IL20RB: variants seen among roughly 807,000 people sequenced by gnomAD.
The protein encoded by IL20RB is interleukin-20 receptor subunit beta.
In IL20RB, 21 loss-of-function variants were observed where a neutral mutation model predicts 33.3. The ratio of observed to expected loss-of-function variants is 0.63; its 90% CI spans 0.45 to 0.91. IL20RB has a LOEUF of 0.91. Ranked by LOEUF, IL20RB falls within the 40% of genes least tolerant of loss-of-function variation. IL20RB has a pLI of 0.00. For missense variants in IL20RB, 345 were observed against 384.8 expected, an observed-to-expected ratio of 0.90 and a Z score of 0.86; for synonymous variants, 147 against 146.8, an observed-to-expected ratio of 1.00 and a Z score of -0.01.
At chr3:136,962,999 G>C (rs1416514874) in intron 1 of IL20RB, among the ~76,000 whole-genome samples, 1 of 152,006 alleles carries the variant, frequency 6.6e-6, no homozygotes, top group Non-Finnish European at 1.5e-5. Flanking sequence ...TGTACATATG[G>C]AGGGCTGAGT....
At chr3:137,009,394 G>A (rs1053607873) in intron 6 of IL20RB, among the ~76,000 whole-genome samples, 2 of 152,102 alleles carry the variant, frequency 1.3e-5, no homozygotes, top group Admixed American at 6.5e-5. Flanking sequence ...AGAAGATGGC[G>A]GGAACCTGAA....
chr3:136,960,209 G>A (rs1457078041), intron 1 of IL20RB, among the ~76,000 whole-genome samples: 2 of 128,370 alleles, frequency 1.6e-5, no homozygotes, highest in East Asian at 2.5e-4. Flanking sequence ...GTGCAGTGGC[G>A]CAATCTTGGC....
intron 1 of IL20RB, 35 bp downstream of exon 1, chr3:136,958,236 G>A: frequency 7.3e-7 from 1 of 1,375,620 alleles, no homozygotes; most frequent in Non-Finnish European, 1.0e-6. Context: ...AATAGTTTGG[G>A]CCTTGAATAT....
chr3:136,959,305 A>G (rs1941131718), intron 1 of IL20RB: 2 of 152,160 alleles, frequency 1.3e-5, no homozygotes, highest in Non-Finnish European at 2.9e-5. Flanking sequence ...ATAATTTCCC[A>G]CCAGAAGCAG....
In IL20RB at chr3:136,958,048, G is replaced by T; in HGVS notation, c.-66G>T. On this transcript the variant is annotated 5_prime_UTR_variant, in exon 1 of 7. Transcript: ENST00000329582. ...AACATATGCATTCTGAAGAAAGATG[G>T]CTGAGATGGACAGAATGCTTTATTT... 2.1e-6 allele frequency: 2 copies of T among 965,810 alleles called. No individual in the cohort carries two copies. Among genetic ancestry groups the T allele is most frequent in the Admixed American group, 1.8e-5 (1 of 55,404 alleles). 59.8% of individuals were successfully genotyped at this position (965,810 alleles called of 1,614,324 possible). A position where few individuals can be genotyped will look rare whatever the true frequency, so the allele number is the denominator to read the frequency against.
At chr3:136,970,611 T>TTCCCTTCCTTCC (rs1941450571) in intron 1 of IL20RB, among the ~76,000 whole-genome samples, 1 of 142,032 alleles carries the variant, frequency 7.0e-6, no homozygotes, top group Non-Finnish European at 1.5e-5. Context: ...GTTATTCTAG[T>TTCCCTTCCTTCC]TTCCTTCCTT....
In IL20RB at chr3:136,992,031, G is replaced by A. The variant is rs1440568807; in HGVS notation, c.625G>A (p.Val209Met). 23 of 1,614,202 alleles carry A rather than the reference G, an allele frequency of 1.4e-5. No homozygotes were observed. Among genetic ancestry groups the A allele is most frequent in the East Asian group, 4.5e-5 (2 of 44,880 alleles). ...AAYCVKAQTF[V>M]KAIGRYSAFS... ...ATACTGTGTGAAGGCCCAGACATTCGTGAAGGCCATTGGGAGGTACAGCGC... is the reference window on the plus strand; with the variant it reads ...ATACTGTGTGAAGGCCCAGACATTCATGAAGGCCATTGGGAGGTACAGCGC... The change falls in exon 5 of 7, where the codon GTG (valine) becomes ATG (methionine). Residue 209 changes from valine to methionine, a missense_variant. Physicochemically the swap from Val to Met is conservative, Grantham distance 21 (BLOSUM62 1). Transcript: ENST00000329582.
At chr3:136,994,370 A>G (rs1942087343) in intron 5 of IL20RB, among the ~76,000 whole-genome samples, 1 of 152,216 alleles carries the variant, frequency 6.6e-6, no homozygotes, top group South Asian at 2.1e-4. Context: ...TGCCTGTATC[A>G]AAACATCTCA....
chr3:136,980,611 T>C lies in IL20RB; in HGVS notation c.215+19T>C, dbSNP rs748957546. ...ACCAGGGGTGAGTTTTTTCTTTTAA[T>C]AGTTCTTCTCCCTTAAGCAGAAGTT... On this transcript the variant is annotated intron_variant, in intron 2 of 6. Transcript: ENST00000329582. The C allele has an allele frequency of 1.9e-6, 3 of 1,613,938 alleles. No homozygotes were observed. The highest frequency in any genetic ancestry group is 2.2e-5 in the South Asian group (2 of 91,074).
intron 1 of IL20RB, among the ~76,000 whole-genome samples, chr3:136,970,611 T>C (rs886675764): frequency 7.0e-6 from 1 of 142,032 alleles, no homozygotes; most frequent in Non-Finnish European, 1.5e-5. Flanking sequence ...GTTATTCTAG[T>C]TTCCTTCCTT....
chr3:136,961,737 GTT>G (rs1941221628), intron 1 of IL20RB, among the ~76,000 whole-genome samples: 3 of 152,152 alleles, frequency 2.0e-5, no homozygotes, highest in Admixed American at 1.3e-4. Context: ...TGGCTTTTTA[GTT>G]TTGACAAATG....
chr3:137,010,864 C>T lies in IL20RB; in HGVS notation c.*641C>T, dbSNP rs1560080729. ...GTGACCTGGAGGAAGGTCACAGCCA[C>T]ACTGAAAATGGGATGTGCATGAACA... On this transcript the variant is annotated 3_prime_UTR_variant, in exon 7 of 7. Transcript: ENST00000329582. 2.0e-5 allele frequency: 3 copies of T among 152,374 alleles called. No individual in the cohort carries two copies. The highest frequency in any genetic ancestry group is 2.0e-4 in the Admixed American group (3 of 15,298). 9.4% of individuals were successfully genotyped at this position (152,374 alleles called of 1,614,324 possible).
intron 1 of IL20RB, among the ~76,000 whole-genome samples, chr3:136,980,008 G>A (rs554739203): frequency 6.6e-6 from 1 of 152,126 alleles, no homozygotes; most frequent in Admixed American, 6.5e-5. Flanking sequence ...TAACAGAAGA[G>A]TCATAAATAA....
rs1414007497 is a variant in IL20RB, at chr3:136,958,193, T to G, written c.80T>G (p.Leu27Trp). The change falls in exon 1 of 7, where the codon TTG becomes TGG. Residue 27 changes from leucine to tryptophan, a missense_variant. Physicochemically the swap from Leu to Trp is moderately conservative, Grantham distance 61. Coordinates refer to ENST00000329582, the MANE Select transcript of IL20RB (RefSeq NM_144717.4). ...TTTTTCTACGCATTGATTCCATGTTTGCTCACAGGTAAGTATGAATTAGAA... is the reference window on the plus strand; with the variant it reads ...TTTTTCTACGCATTGATTCCATGTTGGCTCACAGGTAAGTATGAATTAGAA... The part of the protein sequence containing the change: ...MWFFYALIPC[L>W]LTDEVAILPA... The G allele has an allele frequency of 1.3e-6, 2 of 1,598,234 alleles. No individual in the cohort carries two copies. Among genetic ancestry groups the G allele is most frequent in the Non-Finnish European group, 8.6e-7 (1 of 1,165,618 alleles).
intron 1 of IL20RB, 137 bp downstream of exon 1, chr3:136,958,338 C>T (rs1199194686): frequency 1.4e-5 from 8 of 563,818 alleles, no homozygotes; most frequent in East Asian, 3.1e-5. Flanking sequence ...GATTTATCAC[C>T]TCCTAAACCT....
intron 1 of IL20RB, among the ~76,000 whole-genome samples, chr3:136,977,059 G>A (rs1239078370): frequency 2.6e-5 from 4 of 152,086 alleles, no homozygotes; most frequent in African/African-American, 9.7e-5. Context: ...CTCCTTCCTT[G>A]CTTTTGGTGT....
chr3:136,977,284 A>C (rs893367688), intron 1 of IL20RB, among the ~76,000 whole-genome samples: 2 of 152,204 alleles, frequency 1.3e-5, no homozygotes, highest in Non-Finnish European at 2.9e-5. Context: ...ATATTAACAA[A>C]AAGCTTGCTG....
intron 3 of IL20RB, among the ~76,000 whole-genome samples, chr3:136,982,554 T>G (rs361238): frequency 0.59 from 89,162 of 152,058 alleles, 26,766 homozygotes; most frequent in East Asian, 0.9. Context: ...CTTTGACTAC[T>G]CAAGTCATTC....
chr3:136,977,558 C>T (rs974135195), intron 1 of IL20RB, among the ~76,000 whole-genome samples: 3 of 152,034 alleles, frequency 2.0e-5, no homozygotes, highest in African/African-American at 7.2e-5. Context: ...TGGAGTCTTG[C>T]TCTGTTGCCC....
Sources: gnomAD v4.1 joint callset for allele counts (sites outside exome capture counted in the v4.1 genomes callset) on GRCh38, gnomAD v4.1.1 for gene constraint, MANE v1.5 for transcripts, NCBI Gene and HGNC (gene_info 2026-07-23, HGNC 2026-07-21) for gene names.